The following COPS7B variants were observed in gnomAD, a reference collection of about 807,000 sequenced individuals.
The protein encoded by COPS7B is COP9 signalosome complex subunit 7b.
In COPS7B, 9 loss-of-function variants were observed where a neutral mutation model predicts 33.4. That is an observed-to-expected ratio of 0.27 (90% CI 0.16 to 0.47). COPS7B has a LOEUF of 0.47. COPS7B is among the 20% of genes least tolerant of loss of function. The pLI is 0.99. For synonymous variants in COPS7B, 119 were observed against 126.3 expected, an observed-to-expected ratio of 0.94 and a Z score of 0.39; for missense variants, 242 against 318.2, an observed-to-expected ratio of 0.76 and a Z score of 1.82.
chr2:231,794,989 G>T (rs1191135764), intron 4 of COPS7B, among the ~76,000 whole-genome samples: 1 of 151,282 alleles, frequency 6.6e-6, no homozygotes, highest in East Asian at 1.9e-4. Context: ...GCGCAACCTG[G>T]GCTTACTGCA....
At chr2:231,791,623 A>G in intron 2 of COPS7B, 110 bp from the exon 3 acceptor site, 1 of 876,090 alleles carries the variant, frequency 1.1e-6, no homozygotes, top group Non-Finnish European at 1.9e-6. Context: ...CAAATAGTAC[A>G]GAATAAACAG....
chr2:231,792,555 T>C (rs2049448239), intron 3 of COPS7B, among the ~76,000 whole-genome samples: 1 of 152,240 alleles, frequency 6.6e-6, no homozygotes, highest in African/African-American at 2.4e-5. Context: ...CTGGACTTTT[T>C]TGTGCCCCTT....
chr2:231,786,933 G>A (rs1325537863), intron 1 of COPS7B, among the ~76,000 whole-genome samples: 2 of 152,166 alleles, frequency 1.3e-5, no homozygotes, highest in African/African-American at 2.4e-5. Flanking sequence ...TGCGCCCACA[G>A]GCTTTGCTCC....
intron 5 of COPS7B, among the ~76,000 whole-genome samples, chr2:231,798,573 C>T (rs543247479): frequency 2.6e-5 from 4 of 152,206 alleles, no homozygotes; most frequent in South Asian, 2.1e-4. Flanking sequence ...CTTCTTTAAT[C>T]GTATGTGCTA....
intron 2 of COPS7B, chr2:231,790,004 A>T (rs1559355582): frequency 6.6e-6 from 1 of 152,116 alleles, no homozygotes; most frequent in Non-Finnish European, 1.5e-5. Flanking sequence ...CTCTGTGAGG[A>T]GGTCTGTAGT....
At chr2:231,798,336 A>G (rs1286833977) in intron 5 of COPS7B, among the ~76,000 whole-genome samples, 1 of 140,260 alleles carries the variant, frequency 7.1e-6, no homozygotes, top group East Asian at 2.1e-4. Flanking sequence ...AGCTCACTGC[A>G]ACCTCCGCCT....
intron 6 of COPS7B, among the ~76,000 whole-genome samples, chr2:231,802,175 G>C (rs2049769484): frequency 6.6e-6 from 1 of 152,204 alleles, no homozygotes. Flanking sequence ...TTCCAGTCAT[G>C]GAGGTCGTAA....
At position 231,796,312 on chromosome 2, in the gene COPS7B, A is replaced by G; in HGVS notation, c.530+4A>G. ...TTGTCAAGACCCTGCATGAATGGTG[A>G]GGCTAAAAGGAGGAGGGGGATATCT... On this transcript the variant is annotated splice_donor_region_variant and intron_variant, in intron 5 of 6. Coordinates refer to ENST00000350033, the MANE Select transcript of COPS7B (RefSeq NM_022730.4). 1.9e-6 allele frequency: 3 copies of G among 1,613,012 alleles called. No individual in the cohort carries two copies. Among genetic ancestry groups the G allele is most frequent in the South Asian group, 2.2e-5 (2 of 91,036 alleles).
rs746163165 is a variant in COPS7B, at chr2:231,791,796, C to G, written c.226C>G (p.Pro76Ala). 2 of 1,613,232 alleles carry G rather than the reference C, an allele frequency of 1.2e-6. No homozygotes were observed. The highest frequency in any genetic ancestry group is 2.7e-5 in the African/African-American group (2 of 74,850). Residue 76 changes from proline (P) to alanine (A), a missense_variant, in exon 3 of 7, where the codon CCA becomes GCA. By Grantham distance (27) the Pro-to-Ala change is conservative (BLOSUM62 -1). Transcript: ENST00000350033. ...GAACCTGTTTGCCTATGGGACATAC[C>G]CAGATTACATAGGTGAGTTGGTGAA... The part of the protein sequence containing the change: ...LLNLFAYGTY[P>A]DYIANKESLP...
Position 231,794,365 on chromosome 2 carries a change from C to A in COPS7B, c.327+14C>A. 1.2e-6 allele frequency: 2 copies of A among 1,606,346 alleles called. No individual in the cohort carries two copies. The highest frequency in any genetic ancestry group is 2.7e-5 in the African/African-American group (2 of 74,876). On this transcript the variant is annotated intron_variant, in intron 4 of 6. Coordinates refer to ENST00000350033, the MANE Select transcript of COPS7B (RefSeq NM_022730.4). ...TCAAGAATGAAGGTACGGTACTGAG[C>A]CTTCTCTTGTCTTCCTCCTTACCCC...
At position 231,808,121 on chromosome 2, in the gene COPS7B, C is replaced by A. The variant is rs1206375448; in HGVS notation, c.*476C>A. Reference sequence around the variant, plus strand: ...GATGGTGCAGTGATTTCTAGCCAGGCGTCAAGATGCGCTGCTTTCCCTCTC... The same window carrying A: ...GATGGTGCAGTGATTTCTAGCCAGGAGTCAAGATGCGCTGCTTTCCCTCTC... On this transcript the variant is annotated 3_prime_UTR_variant, in exon 7 of 7. Coordinates refer to ENST00000350033, the MANE Select transcript of COPS7B (RefSeq NM_022730.4). The A allele has an allele frequency of 2.8e-5, 7 of 246,408 alleles. No homozygotes were observed. The East Asian group carries it at 1.0e-3, about 36-fold the overall frequency. 15.3% of individuals were successfully genotyped at this position (246,408 alleles called of 1,614,324 possible).
chr2:231,801,584 G>C (rs1559372382), intron 6 of COPS7B, among the ~76,000 whole-genome samples: 1 of 151,568 alleles, frequency 6.6e-6, no homozygotes, highest in African/African-American at 2.4e-5. Context: ...TAGGACTATA[G>C]GACTACAGGT....
rs527501494 is a variant in COPS7B at position 231,803,450 on chromosome 2, G to A, written c.637-4037G>A. ...ATTTCAGAACTAGAGAAAAAACCAA[G>A]TTTTTCCCTGGGCCAAGTCTTATTT... On this transcript the variant is annotated intron_variant, in intron 6 of 6. Coordinates refer to ENST00000350033, the MANE Select transcript of COPS7B (RefSeq NM_022730.4). Among the ~76,000 whole-genome samples, 12 of 152,290 alleles carry A rather than the reference G, an allele frequency of 7.9e-5. No homozygotes were observed. The East Asian group carries it at 2.1e-3, about 27-fold the overall frequency.
chr2:231,799,016 C>T (rs765027347), intron 6 of COPS7B, 52 bp downstream of exon 6: 54 of 1,493,438 alleles, frequency 3.6e-5, no homozygotes, highest in Admixed American at 1.1e-4. Context: ...CCTGTTTATT[C>T]GTTTGCAGTG....
At chr2:231,805,446 T>TTTTA in intron 6 of COPS7B, among the ~76,000 whole-genome samples, 1 of 138,732 alleles carries the variant, frequency 7.2e-6, no homozygotes, top group African/African-American at 2.7e-5. Context: ...TTTTTAAATT[T>TTTTA]TATATATATA....
Position 231,786,480 on chromosome 2 carries a change from C to CG in COPS7B, c.-72dup. 1 of 985,932 alleles carries CG rather than the reference C, an allele frequency of 1.0e-6. No individual in the cohort carries two copies. The highest frequency in any genetic ancestry group is 1.1e-4 in the East Asian group (1 of 8,816). The allele number at this position is 985,932 out of a possible 1,614,324, so 61.1% of individuals were successfully genotyped here. A position where few individuals can be genotyped will look rare whatever the true frequency, so the allele number is the denominator to read the frequency against. ...GTGATCATGGACGCTTGACAACCTG[C>CG]GGGCAGGCGCCGGGAGGCCGAGCCA... On this transcript the variant is annotated 5_prime_UTR_variant, in exon 1 of 7. Coordinates refer to ENST00000350033, the MANE Select transcript of COPS7B (RefSeq NM_022730.4).
At chr2:231,798,562 C>T (rs750910344) in intron 5 of COPS7B, among the ~76,000 whole-genome samples, 1 of 152,148 alleles carries the variant, frequency 6.6e-6, no homozygotes, top group African/African-American at 2.4e-5. Context: ...GCCTGTCCTA[C>T]CTTCTTTAAT....
rs1553564811 is a variant in COPS7B at position 231,808,798 on chromosome 2, G to GGGGTGTGTGTGTGT, written c.*1154_*1155insGGTGTGTGTGTGTG. On this transcript the variant is annotated 3_prime_UTR_variant, in exon 7 of 7. Coordinates refer to ENST00000350033, the MANE Select transcript of COPS7B (RefSeq NM_022730.4). ...TGGTTGGAGGGTGGGGGTGGGGTGG[G>GGGGTGTGTGTGTGT]GTGTGTGTGTGTGTGTGTGTGTGTG... 1.3e-5 allele frequency: 1 copy of GGGGTGTGTGTGTGT among 75,772 alleles called. No individual in the cohort carries two copies. The highest frequency in any genetic ancestry group is 6.0e-5 in the African/African-American group (1 of 16,716). The allele number at this position is 75,772 out of a possible 1,614,324, so 4.7% of individuals were successfully genotyped here. A position where few individuals can be genotyped will look rare whatever the true frequency, so the allele number is the denominator to read the frequency against.
rs2049936412 is a variant in COPS7B at position 231,807,671 on chromosome 2, C to T, written c.*26C>T. The T allele has an allele frequency of 6.5e-7, 1 of 1,540,550 alleles. No homozygotes were observed. The highest frequency in any genetic ancestry group is 8.8e-7 in the Non-Finnish European group (1 of 1,142,372). On this transcript the variant is annotated 3_prime_UTR_variant, in exon 7 of 7. Coordinates refer to ENST00000350033, the MANE Select transcript of COPS7B (RefSeq NM_022730.4). Reference sequence around the variant, plus strand: ...GGCCGGCTGGGGCAGCTGGCACTCACCAGGCCTGGGTCAGGTGGGGAGGGG... The same window carrying T: ...GGCCGGCTGGGGCAGCTGGCACTCATCAGGCCTGGGTCAGGTGGGGAGGGG...
Sources: gnomAD v4.1 joint callset for allele counts (sites outside exome capture counted in the v4.1 genomes callset) on GRCh38, gnomAD v4.1.1 for gene constraint, MANE v1.5 for transcripts, NCBI Gene and HGNC (gene_info 2026-07-23, HGNC 2026-07-21) for gene names.